The following INTS1 variants were observed in gnomAD, a reference collection of about 807,000 sequenced individuals.
INTS1 encodes integrator complex subunit 1.
Under a neutral mutation model 241.6 loss-of-function variants are expected in INTS1, and 137 were observed. The observed-to-expected ratio is 0.57, with a 90% CI of 0.49 to 0.65. INTS1 has a LOEUF of 0.65. Ranked by LOEUF, INTS1 falls within the 30% of genes least tolerant of loss-of-function variation. The probability of loss-of-function intolerance (pLI) is 0.00; values close to 1 mark genes in which losing one functional copy is unlikely to be tolerated. For synonymous variants in INTS1, 1,692 were observed against 1,337.8 expected (o/e 1.26, Z -5.78); for missense variants, 3,073 against 3,032.2 (o/e 1.01, Z -0.32).
chr7:1,500,487 C>A (rs533668218), intron 3 of INTS1, 121 bp from the exon 4 acceptor site: 2 of 1,116,306 alleles, frequency 1.8e-6, no homozygotes, highest in South Asian at 1.7e-5. Flanking sequence ...CAGGGACCAG[C>A]GATCCACCCT....
rs1233270043 is a variant in INTS1 at position 1,497,013 on chromosome 7, C to A, written c.1602+125G>T. 3.0e-5 allele frequency: 30 copies of A among 992,104 alleles called. No individual in the cohort carries two copies. Among genetic ancestry groups the A allele is most frequent in the Non-Finnish European group, 4.3e-5 (30 of 691,234 alleles). The allele number at this position is 992,104 out of a possible 1,614,324, so 61.5% of individuals were successfully genotyped here. ...CGTCACCGCAAACAGCCTCACTCAT[C>A]CCCGTACCCACGCTCAGCCAGAGCA... is the stretch of plus-strand genomic sequence containing the variant. On this transcript the variant is annotated intron_variant, in intron 11 of 47. Coordinates refer to ENST00000404767, the MANE Select transcript of INTS1 (RefSeq NM_001080453.3). The surrounding 1 kb of genome is among the most constrained non-coding windows in gnomAD (Gnocchi z 5.3).
intron 39 of INTS1, 46 bp from the exon 40 acceptor site, chr7:1,474,884 C>T: frequency 1.3e-6 from 2 of 1,538,548 alleles, no homozygotes; most frequent in South Asian, 1.2e-5. Context: ...GCTCCCCTCA[C>T]TTGCCCACCC....
At position 1,478,514 on chromosome 7, in the gene INTS1, A is replaced by G; in HGVS notation, c.4490-8T>C. 6.2e-7 allele frequency: 1 copy of G among 1,608,226 alleles called. No homozygotes were observed. The highest frequency in any genetic ancestry group is 1.1e-5 in the South Asian group (1 of 90,430). On this transcript the variant is annotated splice_region_variant and splice_polypyrimidine_tract_variant and intron_variant, in intron 32 of 47. Coordinates refer to ENST00000404767, the MANE Select transcript of INTS1 (RefSeq NM_001080453.3). ...GCAGGAGCCCCCCTCGCACTGTGGG[A>G]GGTCTGTGTGAGTGCCCTGTGGCTC...
At chr7:1,502,428 G>C (rs942182579) in intron 3 of INTS1, among the ~76,000 whole-genome samples, 3 of 152,166 alleles carry the variant, frequency 2.0e-5, no homozygotes, top group African/African-American at 7.2e-5. Context: ...TGTCCTTACT[G>C]TTCTGCTGCT....
chr7:1,487,634 A>C (rs1358919842), intron 19 of INTS1, 126 bp downstream of exon 19: 55 of 1,328,796 alleles, frequency 4.1e-5, no homozygotes, highest in Non-Finnish European at 5.3e-5. Context: ...ACGGGGCTCC[A>C]CAGGCCTTTC....
chr7:1,496,364 CCCGGGAGCCCCA>C (rs1782856230), intron 11 of INTS1, 100 bp from the exon 12 acceptor site: 2 of 478,102 alleles, frequency 4.2e-6, no homozygotes, highest in Admixed American at 4.0e-5. Flanking sequence ...AGAAGGGACA[CCCGGGAGCCCCA>C]CTCCACACCC....
chr7:1,472,397 G>A lies in INTS1; in HGVS notation c.6071-11C>T, dbSNP rs563852133. The A allele has an allele frequency of 3.9e-6, 6 of 1,522,974 alleles. No homozygotes were observed. The South Asian group carries it at 4.8e-5, about 12-fold the overall frequency. The allele number at this position is 1,522,974 out of a possible 1,614,324, so 94.3% of individuals were successfully genotyped here. A position where few individuals can be genotyped will look rare whatever the true frequency, so the allele number is the denominator to read the frequency against. On this transcript the variant is annotated splice_polypyrimidine_tract_variant and intron_variant, in intron 43 of 47. Transcript: ENST00000404767. ...CGGCTGAGCTCTCCTCTGGAAGACA[G>A]TGGCAGTGCTGCAGGAGGGCGGGAG...
chr7:1,472,486 C>T, intron 43 of INTS1, 100 bp from the exon 44 acceptor site: 1 of 813,318 alleles, frequency 1.2e-6, no homozygotes, highest in Non-Finnish European at 1.9e-6. Context: ...GGCCACTGCC[C>T]AGGCTCCCAA....
intron 3 of INTS1, among the ~76,000 whole-genome samples, chr7:1,501,868 G>T (rs1195466588): frequency 6.6e-6 from 1 of 152,124 alleles, no homozygotes; most frequent in Non-Finnish European, 1.5e-5. Flanking sequence ...GTGCTGCCCA[G>T]GCCAGGCCAG....
intron 30 of INTS1, 29 bp from the exon 31 acceptor site, chr7:1,479,713 GAAGCGGAGGAGA>G: frequency 6.9e-7 from 1 of 1,448,982 alleles, no homozygotes; most frequent in African/African-American, 1.4e-5. Flanking sequence ...GTGTCAGGAG[GAAGCGGAGGAGA>G]AGGAGGAGGA....
Position 1,486,908 on chromosome 7 carries a change from T to TGGGGGGG in INTS1, c.2826+13_2826+14insCCCCCCC, listed in dbSNP as rs2128538900. The stretch of plus-strand genomic sequence containing the variant: ...GGTGAGAGGCGGGGGGGCTGAGGGG[T>TGGGGGGG]GGGCGGCCCTGACCTGCCGCTTCTT... On this transcript the variant is annotated intron_variant, in intron 21 of 47. Transcript: ENST00000404767. The TGGGGGGG allele has an allele frequency of 3.0e-6, 3 of 1,016,146 alleles. No individual in the cohort carries two copies. The highest frequency in any genetic ancestry group is 3.9e-5 in the East Asian group (1 of 25,614). The allele number at this position is 1,016,146 out of a possible 1,614,324, so 62.9% of individuals were successfully genotyped here. A position where few individuals can be genotyped will look rare whatever the true frequency, so the allele number is the denominator to read the frequency against.
At chr7:1,495,229 A>G (rs1368641993) in intron 13 of INTS1, among the ~76,000 whole-genome samples, 1 of 152,224 alleles carries the variant, frequency 6.6e-6, no homozygotes, top group Non-Finnish European at 1.5e-5. Context: ...CCTGGAGCCT[A>G]ACGGCTGCTG....
intron 16 of INTS1, among the ~76,000 whole-genome samples, chr7:1,492,512 T>C (rs1465066141): frequency 6.6e-6 from 1 of 152,210 alleles, no homozygotes; most frequent in African/African-American, 2.4e-5. Context: ...AATTAAATTA[T>C]AATGAAAGTT....
chr7:1,471,029 T>TGAGCC, intron 46 of INTS1, 74 bp from the exon 47 acceptor site: 1 of 1,513,262 alleles, frequency 6.6e-7, no homozygotes, highest in Non-Finnish European at 9.0e-7. Flanking sequence ...CAGGGCGAGC[T>TGAGCC]GAGCCGCCTG....
At chr7:1,489,557 A>C in intron 17 of INTS1, 34 bp downstream of exon 17, 2 of 1,534,270 alleles carry the variant, frequency 1.3e-6, no homozygotes, top group Non-Finnish European at 1.8e-6. Context: ...CAGCAGGGCC[A>C]CGTGTGCGCA....
Position 1,495,588 on chromosome 7 carries a change from G to A in INTS1, c.1712-35C>T, listed in dbSNP as rs200145425. The A allele has an allele frequency of 2.9e-5, 46 of 1,589,670 alleles. No homozygotes were observed. The African/African-American group carries it at 4.4e-4, about 15-fold the overall frequency. ...ACACGCAGCTTAGTGGCCCATCCGA[G>A]CCATGGGCCATGAGGGGCTAAGGCA... is the stretch of plus-strand genomic sequence containing the variant. On this transcript the variant is annotated intron_variant, in intron 12 of 47. Coordinates refer to ENST00000404767, the MANE Select transcript of INTS1 (RefSeq NM_001080453.3).
At chr7:1,499,719 G>T in intron 5 of INTS1, 87 bp from the exon 6 acceptor site, 1 of 1,481,162 alleles carries the variant, frequency 6.8e-7, no homozygotes. Flanking sequence ...GGGACTGGGT[G>T]CCCAGGCGGC....
rs369090422 is a variant in INTS1, at chr7:1,497,411, G to A, written c.1426-97C>T. 274 of 1,301,674 alleles carry A rather than the reference G, an allele frequency of 2.1e-4. 3 individuals carry two copies. The highest frequency in any genetic ancestry group is 1.4e-3 in the East Asian group (58 of 40,054). The allele number at this position is 1,301,674 out of a possible 1,614,324, so 80.6% of individuals were successfully genotyped here. ...ACCAACAGGTATGGCGCCCGAGGGC[G>A]CTGCAGTGGGTCTCAGACAGTGTGG... On this transcript the variant is annotated intron_variant, in intron 10 of 47. Transcript: ENST00000404767. This position sits in a 1 kb window ranked among gnomAD's most constrained non-coding sequence, Gnocchi z 5.3.
In INTS1 at chr7:1,474,291, C is replaced by T. The variant is rs1431166970; in HGVS notation, c.5706G>A (p.Gln1902=). 1.2e-6 allele frequency: 2 copies of T among 1,608,744 alleles called. No individual in the cohort carries two copies. Among genetic ancestry groups the T allele is most frequent in the African/African-American group, 2.7e-5 (2 of 74,808 alleles). ...CGTGCAGGAAGCAGCTCAGGTGGTT[C>T]TGCTGCCGGAACTCCTGGAAGTTGA... ...THLNFQEFRQ[Q]NHLSCFLHVL... Residue 1902 remains glutamine (Q), a synonymous_variant, in exon 41 of 48, where the codon CAG becomes CAA. Transcript: ENST00000404767.
Sources: allele counts gnomAD v4.1 joint callset (sites outside exome capture counted in the v4.1 genomes callset), GRCh38; gene constraint gnomAD v4.1.1; non-coding constraint Gnocchi (gnomAD v3.1); transcripts MANE v1.5; gene names NCBI Gene and HGNC (gene_info 2026-07-23, HGNC 2026-07-21).